The following C5AR1 variants were observed in gnomAD, a reference collection of about 807,000 sequenced individuals.
C5AR1 encodes the protein C5a anaphylatoxin chemotactic receptor 1.
In C5AR1, 4 loss-of-function variants were observed where a neutral mutation model predicts 2.4. The ratio of observed to expected loss-of-function variants is 1.65; its 90% CI spans 0.81 to 3.77. The LOEUF is 3.77. Among genes scored for constraint, C5AR1 ranks in the 30% most tolerant of loss-of-function variants. The pLI is 0.01. For missense variants in C5AR1, 418 were observed against 462.5 expected (o/e 0.90, Z 0.88); for synonymous variants, 209 against 210.4 (o/e 0.99, Z 0.06).
upstream of C5AR1, among the ~76,000 whole-genome samples, chr19:47,308,600 G>T (rs2059260893): frequency 6.6e-6 from 1 of 150,572 alleles, no homozygotes; most frequent in African/African-American, 2.4e-5. Context: ...TGTCAGCCTG[G>T]GCTGGAGTGC....
rs200546267 is a variant in C5AR1, at chr19:47,319,891, C to T, written c.114C>T (p.Ile38=). 6.8e-6 allele frequency: 11 copies of T among 1,614,274 alleles called. No homozygotes were observed. Among genetic ancestry groups the T allele is most frequent in the Middle Eastern group, 1.6e-4 (1 of 6,062 alleles). ...KTSNTLRVPD[I]LALVIFAVVF... is the part of the protein sequence containing the mutation. ...CTAACACGCTGCGTGTTCCAGACAT[C>T]CTGGCCTTGGTCATCTTTGCAGTCG... Residue 38 remains isoleucine (I), a synonymous_variant, in exon 2 of 2, where the codon ATC becomes ATT. Coordinates refer to ENST00000355085, the MANE Select transcript of C5AR1 (RefSeq NM_001736.4).
chr19:47,308,786 T>C (rs112650312), upstream of C5AR1, among the ~76,000 whole-genome samples: 447 of 151,150 alleles, frequency 3.0e-3, 6 homozygotes, highest in African/African-American at 0.01. Flanking sequence ...GATGGTTTTT[T>C]TTTTTTGAGA....
chr19:47,311,057 C>G (rs148062166), intron 1 of C5AR1, among the ~76,000 whole-genome samples: 5 of 152,132 alleles, frequency 3.3e-5, no homozygotes, highest in Non-Finnish European at 7.4e-5. Flanking sequence ...AAAGAGGAAA[C>G]GGAAGATGGT....
At chr19:47,309,402 C>A (rs558218897), upstream of C5AR1, among the ~76,000 whole-genome samples, 1 of 151,740 alleles carries the variant, frequency 6.6e-6, no homozygotes, top group African/African-American at 2.4e-5. Context: ...GGCGAAACCC[C>A]GTCTTTACTA....
chr19:47,312,529 C>A (rs936835868), intron 1 of C5AR1, among the ~76,000 whole-genome samples: 1 of 152,198 alleles, frequency 6.6e-6, no homozygotes, highest in Admixed American at 6.6e-5. Context: ...ACATTTCTAT[C>A]CTTTCCCAGC....
chr19:47,307,628 T>C (rs2059257645), upstream of C5AR1: 1 of 152,208 alleles, frequency 6.6e-6, no homozygotes, highest in Non-Finnish European at 1.5e-5. Context: ...ATTGCAGGCA[T>C]GAGCCACTGC....
chr19:47,308,161 C>T (rs1323378633), upstream of C5AR1, among the ~76,000 whole-genome samples: 5 of 140,328 alleles, frequency 3.6e-5, no homozygotes, highest in African/African-American at 5.4e-5. Flanking sequence ...TGCAGTGTGC[C>T]GAGATCGTGC....
chr19:47,320,343 G>T lies in C5AR1; in HGVS notation c.566G>T (p.Gly189Val), dbSNP rs755702927. Residue 189 changes from glycine to valine, a missense_variant, in exon 2 of 2, where the codon GGC (glycine) becomes GTC (valine). By Grantham distance (109) the Gly-to-Val change is moderately radical. Transcript: ENST00000355085. This position sits in a 1 kb window ranked among gnomAD's most constrained non-coding sequence, Gnocchi z 4.9. ...TACTTTCCACCAAAGGTGTTGTGTGGCGTGGACTACAGCCACGACAAACGG... is the reference window on the plus strand; with the variant it reads ...TACTTTCCACCAAAGGTGTTGTGTGTCGTGGACTACAGCCACGACAAACGG... ...EEYFPPKVLCGVDYSHDKRRE... is the reference protein window; with the variant it reads ...EEYFPPKVLCVVDYSHDKRRE... 1.2e-6 allele frequency: 2 copies of T among 1,609,832 alleles called. No individual in the cohort carries two copies. The highest frequency in any genetic ancestry group is 1.7e-6 in the Non-Finnish European group (2 of 1,179,994).
At chr19:47,308,253 T>G (rs2059259791), upstream of C5AR1, among the ~76,000 whole-genome samples, 4 of 149,418 alleles carry the variant, frequency 2.7e-5, no homozygotes. Flanking sequence ...AACCCTGTTG[T>G]GAACAGCGCA....
Position 47,320,792 on chromosome 19 carries a change from A to C in C5AR1, c.1015A>C (p.Thr339Pro). 1 of 1,614,032 alleles carries C rather than the reference A, an allele frequency of 6.2e-7. No individual in the cohort carries two copies. The change falls in exon 2 of 2, where the codon ACA (threonine) becomes CCA (proline). Residue 339 changes from threonine to proline, a missense_variant. Coordinates refer to ENST00000355085, the MANE Select transcript of C5AR1 (RefSeq NM_001736.4). This position sits in a 1 kb window ranked among gnomAD's most constrained non-coding sequence, Gnocchi z 4.9. The part of the protein sequence containing the change: ...VRESKSFTRS[T>P]VDTMAQKTQA... ...GGAGAGCAAGTCATTCACGCGCTCC[A>C]CAGTGGACACTATGGCCCAGAAGAC...
intron 1 of C5AR1, among the ~76,000 whole-genome samples, chr19:47,310,810 C>A (rs1401574721): frequency 2.0e-5 from 3 of 152,210 alleles, no homozygotes; most frequent in African/African-American, 7.2e-5. Context: ...TTGAGATGTT[C>A]TGCATGACAG....
At chr19:47,314,344 G>A (rs1397735230) in intron 1 of C5AR1, among the ~76,000 whole-genome samples, 1 of 152,144 alleles carries the variant, frequency 6.6e-6, no homozygotes, top group Non-Finnish European at 1.5e-5. Flanking sequence ...TGTGGGCCAC[G>A]TGCCACAATG....
intron 1 of C5AR1, among the ~76,000 whole-genome samples, chr19:47,311,830 T>G (rs1013745976): frequency 6.6e-6 from 1 of 152,000 alleles, no homozygotes; most frequent in African/African-American, 2.4e-5. Flanking sequence ...TCTCCCAAAG[T>G]GCTGGGATTA....
chr19:47,308,780 G>GTTTT (rs35218039), upstream of C5AR1, among the ~76,000 whole-genome samples: 12 of 139,662 alleles, frequency 8.6e-5, no homozygotes, highest in Admixed American at 3.6e-4. Flanking sequence ...GGTGACGATG[G>GTTTT]TTTTTTTTTT....
At position 47,319,866 on chromosome 19, in the gene C5AR1, C is replaced by G. The variant is rs2059302464; in HGVS notation, c.89C>G (p.Ser30Cys). The G allele has an allele frequency of 6.2e-7, 1 of 1,614,072 alleles. No individual in the cohort carries two copies. ...CTCAACACCCCTGTGGATAAAACTT[C>G]TAACACGCTGCGTGTTCCAGACATC... ...LDLNTPVDKT[S>C]NTLRVPDILA... is the part of the protein sequence containing the mutation. Residue 30 changes from serine (S) to cysteine (C), a missense_variant, in exon 2 of 2, where the codon TCT becomes TGT. Transcript: ENST00000355085.
In C5AR1 at chr19:47,320,309, C is replaced by T. The variant is rs750580655; in HGVS notation, c.532C>T (p.Arg178Trp). The T allele has an allele frequency of 1.8e-5, 29 of 1,610,886 alleles. No individual in the cohort carries two copies. In the Middle Eastern group the frequency reaches 8.2e-4, roughly 46 times the overall value. ...TIPSFLYRVV[R>W]EEYFPPKVLC... ...ACCCTCCTTCCTGTACCGGGTGGTC[C>T]GGGAGGAGTACTTTCCACCAAAGGT... Residue 178 changes from arginine (R) to tryptophan (W), a missense_variant, in exon 2 of 2, where the codon CGG becomes TGG. Physicochemically the swap from Arg to Trp is moderately radical, Grantham distance 101. Transcript: ENST00000355085. The surrounding 1 kb of genome is among the most constrained non-coding windows in gnomAD (Gnocchi z 4.9).
rs2059306918 is a variant in C5AR1 at position 47,320,619 on chromosome 19, T to C, written c.842T>C (p.Leu281Pro). Residue 281 changes from leucine to proline, a missense_variant, in exon 2 of 2, where the codon CTG becomes CCG. Physicochemically the swap from Leu to Pro is moderately conservative, Grantham distance 98 (BLOSUM62 -3). Transcript: ENST00000355085. The surrounding 1 kb of genome is among the most constrained non-coding windows in gnomAD (Gnocchi z 4.9). Reference protein sequence around the residue: ...SSPTFLLLKKLDSLCVSFAYI... With the variant: ...SSPTFLLLKKPDSLCVSFAYI... ...CCCACCTTCCTGCTGCTGAAGAAGC[T>C]GGACTCCCTGTGTGTCTCCTTTGCC... 1 of 1,614,118 alleles carries C rather than the reference T, an allele frequency of 6.2e-7. No individual in the cohort carries two copies. The highest frequency in any genetic ancestry group is 2.2e-5 in the East Asian group (1 of 44,874).
intron 1 of C5AR1, among the ~76,000 whole-genome samples, chr19:47,315,568 C>T (rs1381718063): frequency 6.6e-6 from 1 of 152,108 alleles, no homozygotes; most frequent in Non-Finnish European, 1.5e-5. Context: ...GCAAAATTTA[C>T]CTTCATGCGT....
intron 1 of C5AR1, chr19:47,316,726 C>T (rs892028481): frequency 1.3e-5 from 2 of 152,142 alleles, no homozygotes; most frequent in Non-Finnish European, 2.9e-5. Context: ...TAATATTCCA[C>T]CACGTGGCTA....
Sources: allele counts gnomAD v4.1 joint callset (sites outside exome capture counted in the v4.1 genomes callset), GRCh38; gene constraint gnomAD v4.1.1; non-coding constraint Gnocchi (gnomAD v3.1); transcripts MANE v1.5; gene names NCBI Gene and HGNC (gene_info 2026-07-23, HGNC 2026-07-21).